PIP4P2: variants seen among roughly 807,000 people sequenced by gnomAD.
PIP4P2 encodes type 2 phosphatidylinositol 4,5-bisphosphate 4-phosphatase.
Under a neutral mutation model 33.3 loss-of-function variants are expected in PIP4P2, and 19 were observed. That is an observed-to-expected ratio of 0.57 (90% CI 0.40 to 0.84). PIP4P2 has a LOEUF of 0.84. Ranked by LOEUF, PIP4P2 falls within the 40% of genes least tolerant of loss-of-function variation. The pLI is 0.00. For missense variants in PIP4P2, 270 were observed against 324.7 expected, an observed-to-expected ratio of 0.83 and a Z score of 1.29; for synonymous variants, 110 against 111.9, an observed-to-expected ratio of 0.98 and a Z score of 0.11.
chr8:90,998,603 A>G (rs1811660424), intron 5 of PIP4P2, among the ~76,000 whole-genome samples: 1 of 152,018 alleles, frequency 6.6e-6, no homozygotes, highest in African/African-American at 2.4e-5. Context: ...ATAAGGCCAC[A>G]CACTTACAAA....
At chr8:91,016,785 T>C (rs1227347714) in intron 4 of PIP4P2, 1 of 152,176 alleles carries the variant, frequency 6.6e-6, no homozygotes, top group Non-Finnish European at 1.5e-5. Context: ...ATGACAACTA[T>C]GTAGCAGGAA....
At chr8:91,009,069 TC>T (rs1811798000) in intron 4 of PIP4P2, among the ~76,000 whole-genome samples, 1 of 152,108 alleles carries the variant, frequency 6.6e-6, no homozygotes, top group African/African-American at 2.4e-5. Context: ...ATAATTGGGG[TC>T]ATCTTGTTCA....
intron 1 of PIP4P2, among the ~76,000 whole-genome samples, chr8:91,029,199 G>C (rs773869055): frequency 1.3e-5 from 2 of 151,986 alleles, no homozygotes; most frequent in South Asian, 2.1e-4. Context: ...GCTGAGGCAG[G>C]AGAATCACTT....
intron 4 of PIP4P2, among the ~76,000 whole-genome samples, chr8:91,013,598 GA>G (rs1256723807): frequency 6.6e-6 from 1 of 152,052 alleles, no homozygotes; most frequent in East Asian, 1.9e-4. Context: ...GCAGTGGTAT[GA>G]ACATAGCTCG....
At chr8:91,013,153 T>C (rs1470540356) in intron 4 of PIP4P2, among the ~76,000 whole-genome samples, 1 of 152,144 alleles carries the variant, frequency 6.6e-6, no homozygotes, top group Non-Finnish European at 1.5e-5. Context: ...GGTTAGAAAA[T>C]TTCATGAAAG....
At chr8:91,014,420 G>T (rs920296781) in intron 4 of PIP4P2, among the ~76,000 whole-genome samples, 2 of 152,150 alleles carry the variant, frequency 1.3e-5, no homozygotes, top group African/African-American at 4.8e-5. Context: ...GCCTTAAAAA[G>T]AAGGGAATTT....
At chr8:91,020,007 C>T (rs1041867412) in intron 3 of PIP4P2, 150 bp downstream of exon 3, 36 of 682,096 alleles carry the variant, frequency 5.3e-5, no homozygotes, top group Non-Finnish European at 7.3e-5. Context: ...CTAAGCTTAT[C>T]ATTCCTTTAA....
At chr8:91,029,165 C>T (rs1387308994) in intron 1 of PIP4P2, among the ~76,000 whole-genome samples, 1 of 151,962 alleles carries the variant, frequency 6.6e-6, no homozygotes, top group South Asian at 2.1e-4. Flanking sequence ...ATGGTGCACA[C>T]CTGCAATCCT....
chr8:91,017,472 A>G (rs1811933231), intron 4 of PIP4P2, among the ~76,000 whole-genome samples: 1 of 152,146 alleles, frequency 6.6e-6, no homozygotes, highest in South Asian at 2.1e-4. Context: ...CTATCAATAA[A>G]GTAGCTGAAA....
intron 4 of PIP4P2, 22 bp from the exon 5 acceptor site, chr8:91,008,817 G>A: frequency 6.4e-7 from 1 of 1,573,444 alleles, no homozygotes; most frequent in Non-Finnish European, 8.7e-7. Context: ...ACAAAGAGAG[G>A]AATTGAAAAG....
At chr8:91,040,430 C>T (rs542991754) in intron 1 of PIP4P2, among the ~76,000 whole-genome samples, 17 of 151,008 alleles carry the variant, frequency 1.1e-4, no homozygotes, top group African/African-American at 3.4e-4. Flanking sequence ...ACCACCACCA[C>T]CACCACCACC....
At position 90,995,499 on chromosome 8, in the gene PIP4P2, A is replaced by G; in HGVS notation, c.*178T>C. The stretch of plus-strand genomic sequence containing the variant: ...CAAATTTTGAAAACCTAGCAGCAAA[A>G]CAATTTGCATATAATATAGTGCAAT... On this transcript the variant is annotated 3_prime_UTR_variant, in exon 7 of 7. Transcript: ENST00000285419. 3 of 627,808 alleles carry G rather than the reference A, an allele frequency of 4.8e-6. No individual in the cohort carries two copies. The highest frequency in any genetic ancestry group is 6.9e-6 in the Non-Finnish European group (3 of 437,748). 38.9% of individuals were successfully genotyped at this position (627,808 alleles called of 1,614,324 possible). A position where few individuals can be genotyped will look rare whatever the true frequency, so the allele number is the denominator to read the frequency against.
At chr8:91,034,111 C>T (rs1812205435) in intron 1 of PIP4P2, among the ~76,000 whole-genome samples, 1 of 152,102 alleles carries the variant, frequency 6.6e-6, no homozygotes, top group African/African-American at 2.4e-5. Context: ...ATTTGCCATC[C>T]AAACAGTTAC....
At chr8:91,026,210 G>A (rs548815410) in intron 1 of PIP4P2, among the ~76,000 whole-genome samples, 3 of 152,232 alleles carry the variant, frequency 2.0e-5, no homozygotes, top group African/African-American at 7.2e-5. Flanking sequence ...CCTTCTATTT[G>A]TTACCTGTTT....
At chr8:91,009,784 A>G (rs1811808438) in intron 4 of PIP4P2, among the ~76,000 whole-genome samples, 1 of 151,892 alleles carries the variant, frequency 6.6e-6, no homozygotes, top group African/African-American at 2.4e-5. Flanking sequence ...GATTAGAGTT[A>G]AGAAAAGAAA....
chr8:90,997,625 C>G (rs575272966), intron 5 of PIP4P2, among the ~76,000 whole-genome samples: 1 of 152,088 alleles, frequency 6.6e-6, no homozygotes, highest in African/African-American at 2.4e-5. Flanking sequence ...GATTAGTAGC[C>G]AAATTAGCAC....
intron 5 of PIP4P2, among the ~76,000 whole-genome samples, chr8:91,005,229 G>C (rs1563562192): frequency 6.6e-6 from 1 of 152,046 alleles, no homozygotes; most frequent in Non-Finnish European, 1.5e-5. Context: ...CTCAGAAATA[G>C]GGTCATTCTT....
At chr8:91,009,806 G>A (rs963723300) in intron 4 of PIP4P2, among the ~76,000 whole-genome samples, 1 of 151,566 alleles carries the variant, frequency 6.6e-6, no homozygotes, top group African/African-American at 2.4e-5. Flanking sequence ...TATAAATTTG[G>A]GTTTCCTAAA....
At chr8:91,031,437 T>G (rs1270181149) in intron 1 of PIP4P2, among the ~76,000 whole-genome samples, 1 of 152,196 alleles carries the variant, frequency 6.6e-6, no homozygotes, top group Non-Finnish European at 1.5e-5. Context: ...AATGTCATAT[T>G]GTAACATGCC....
Sources: allele counts gnomAD v4.1 joint callset (sites outside exome capture counted in the v4.1 genomes callset), GRCh38; gene constraint gnomAD v4.1.1; transcripts MANE v1.5; gene names NCBI Gene and HGNC (gene_info 2026-07-23, HGNC 2026-07-21).